Variants in INPP5A observed in about 807,000 individuals in gnomAD.
INPP5A encodes 43 kDa inositol polyphosphate 5-phophatase.
INPP5A carries 14 observed loss-of-function variants against 65.2 expected under a neutral mutation model. That is an observed-to-expected ratio of 0.21 (90% CI 0.14 to 0.34). INPP5A has a LOEUF of 0.34. Among genes scored for constraint, INPP5A ranks in the 10% least tolerant of loss-of-function variants. INPP5A has a pLI of 1.00. For missense variants in INPP5A, 431 were observed against 545.6 expected, an observed-to-expected ratio of 0.79 and a Z score of 2.09; for synonymous variants, 207 against 208.3, an observed-to-expected ratio of 0.99 and a Z score of 0.05.
chr10:132,681,141 C>A (rs1456732371), intron 4 of INPP5A, among the ~76,000 whole-genome samples: 1 of 152,204 alleles, frequency 6.6e-6, no homozygotes, highest in Non-Finnish European at 1.5e-5. Context: ...ACGTGCAGAA[C>A]CTTTGTATCT....
At chr10:132,645,341 G>A (rs532127113) in intron 2 of INPP5A, among the ~76,000 whole-genome samples, 34 of 152,240 alleles carry the variant, frequency 2.2e-4, no homozygotes, top group Admixed American at 9.1e-4. Flanking sequence ...GTGAGCAGGC[G>A]GCGGAGTGCC....
intron 8 of INPP5A, among the ~76,000 whole-genome samples, chr10:132,725,466 A>G (rs7085447): frequency 0.095 from 14,425 of 152,264 alleles, 1,432 homozygotes; most frequent in African/African-American, 0.26. Context: ...ACAAGACCAC[A>G]TAAGAACTGG....
intron 3 of INPP5A, among the ~76,000 whole-genome samples, chr10:132,646,474 C>T (rs913224527): frequency 2.6e-5 from 4 of 152,100 alleles, no homozygotes; most frequent in South Asian, 2.1e-4. Flanking sequence ...GAAGAGGGGG[C>T]GCCCGGACCT....
rs533289953 is a variant in INPP5A at position 132,685,790 on chromosome 10, G to A, written c.307-4602G>A. 2.0e-5 allele frequency among the ~76,000 whole-genome samples: 3 copies of A among 152,340 alleles called. No individual in the cohort carries two copies. In the East Asian group the frequency reaches 5.8e-4, roughly 29 times the overall value. On this transcript the variant is annotated intron_variant, in intron 4 of 15. Transcript: ENST00000368594. ...GACGCGTTGTTCTTTCCAAATGTGTGAGAAGTGGTCTGCTCCCGCCCTGAG... is the reference window on the plus strand; with the variant it reads ...GACGCGTTGTTCTTTCCAAATGTGTAAGAAGTGGTCTGCTCCCGCCCTGAG...
In INPP5A at chr10:132,607,894, CT is replaced by C. The variant is rs1564932642; in HGVS notation, c.76-16del. 2 of 1,605,192 alleles carry C rather than the reference CT, an allele frequency of 1.2e-6. No individual in the cohort carries two copies. The stretch of plus-strand genomic sequence containing the variant: ...TGTGCCATTGGTCTGACTGGCTTTT[CT>C]TTTTCTTCTTAATTTACAGCCAGAA... On this transcript the variant is annotated intron_variant, in intron 1 of 15. Coordinates refer to ENST00000368594, the MANE Select transcript of INPP5A (RefSeq NM_005539.5).
At chr10:132,702,698 G>A (rs373241415) in intron 6 of INPP5A, among the ~76,000 whole-genome samples, 94 of 152,350 alleles carry the variant, frequency 6.2e-4, no homozygotes, top group African/African-American at 2.2e-3. Context: ...CCCGGGCACA[G>A]CTCTGACGCA....
At chr10:132,558,133 G>A (rs918108648) in intron 1 of INPP5A, among the ~76,000 whole-genome samples, 2 of 152,220 alleles carry the variant, frequency 1.3e-5, no homozygotes, top group African/African-American at 4.8e-5. Context: ...AGGCTCCGCA[G>A]GGCAGGTCAG....
intron 12 of INPP5A, among the ~76,000 whole-genome samples, chr10:132,768,291 A>T (rs1424089452): frequency 2.0e-5 from 3 of 146,960 alleles, no homozygotes; most frequent in African/African-American, 7.7e-5. Context: ...GTGGACCCCG[A>T]CCCTCAGCGT....
intron 2 of INPP5A, among the ~76,000 whole-genome samples, chr10:132,628,467 G>T (rs1192896498): frequency 1.4e-5 from 2 of 143,470 alleles, no homozygotes; most frequent in Non-Finnish European, 3.1e-5. Flanking sequence ...TGGTGGCGGG[G>T]GGGGGGGGGG....
intron 4 of INPP5A, among the ~76,000 whole-genome samples, chr10:132,686,953 C>G (rs1437803710): frequency 1.3e-5 from 2 of 152,176 alleles, no homozygotes; most frequent in African/African-American, 4.8e-5. Flanking sequence ...TTTTAATTTT[C>G]TATTTTTTTG....
chr10:132,649,053 C>T (rs1305649543), intron 3 of INPP5A, among the ~76,000 whole-genome samples: 1 of 152,278 alleles, frequency 6.6e-6, no homozygotes, highest in East Asian at 1.9e-4. Flanking sequence ...CCCTAAAGCT[C>T]TTCTGATTGT....
At chr10:132,757,791 C>A (rs1241933420) in intron 11 of INPP5A, among the ~76,000 whole-genome samples, 1 of 132,360 alleles carries the variant, frequency 7.6e-6, no homozygotes, top group African/African-American at 2.7e-5. Context: ...CCCCACAGCC[C>A]AGCACCATGG....
intron 9 of INPP5A, among the ~76,000 whole-genome samples, chr10:132,734,213 C>G (rs987867517): frequency 6.6e-6 from 1 of 152,212 alleles, no homozygotes; most frequent in Non-Finnish European, 1.5e-5. Flanking sequence ...AGCATCACCT[C>G]TGGGCTGGAC....
At position 132,616,038 on chromosome 10, in the gene INPP5A, C is replaced by T. The variant is rs575771035; in HGVS notation, c.117+8082C>T. ...CTTCACCCTCTGTAGCTGCCGGTTC[C>T]GGGTCCTGTGGGGAGCGGTGAGGGA... On this transcript the variant is annotated intron_variant, in intron 2 of 15. Transcript: ENST00000368594. This position sits in a 1 kb window ranked among gnomAD's most constrained non-coding sequence, Gnocchi z 4.9. Among the ~76,000 whole-genome samples the T allele has an allele frequency of 8.5e-5, 13 of 152,168 alleles. No individual in the cohort carries two copies. Among genetic ancestry groups the T allele is most frequent in the East Asian group, 1.9e-4 (1 of 5,184 alleles).
At chr10:132,763,656 CAT>C (rs10534980) in intron 11 of INPP5A, among the ~76,000 whole-genome samples, 39,796 of 151,230 alleles carry the variant, frequency 0.26, 6,592 homozygotes, top group East Asian at 0.46. Flanking sequence ...TGCACACACA[CAT>C]GCCTGTGCAC....
intron 4 of INPP5A, among the ~76,000 whole-genome samples, chr10:132,686,975 C>T (rs1009906548): frequency 6.6e-6 from 1 of 152,186 alleles, no homozygotes; most frequent in East Asian, 1.9e-4. Context: ...GACGGAGTCT[C>T]GCCCTGTCAC....
intron 9 of INPP5A, among the ~76,000 whole-genome samples, chr10:132,739,263 G>A (rs973173894): frequency 1.4e-5 from 2 of 145,938 alleles, no homozygotes; most frequent in East Asian, 2.0e-4. Flanking sequence ...GCATGGGCAC[G>A]TGCCCCCGAG....
In INPP5A at chr10:132,678,685, C is replaced by T. The variant is rs2073003513; in HGVS notation, c.307-11707C>T. On this transcript the variant is annotated intron_variant, in intron 4 of 15. Coordinates refer to ENST00000368594, the MANE Select transcript of INPP5A (RefSeq NM_005539.5). The surrounding 1 kb of genome is among the most constrained non-coding windows in gnomAD (Gnocchi z 4.1). The stretch of plus-strand genomic sequence containing the variant: ...GGAGGACTCAGAGGCGCCCAGGCCA[C>T]ATGCCTGCCCTCAGGGGGCTTCCCT... Among the ~76,000 whole-genome samples, 1 of 152,218 alleles carries T rather than the reference C, an allele frequency of 6.6e-6. No individual in the cohort carries two copies. Among genetic ancestry groups the T allele is most frequent in the South Asian group, 2.1e-4 (1 of 4,826 alleles).
intron 4 of INPP5A, among the ~76,000 whole-genome samples, chr10:132,679,216 C>A (rs182003476): frequency 2.0e-5 from 3 of 152,138 alleles, no homozygotes; most frequent in African/African-American, 7.2e-5. Context: ...TTCTGTAATC[C>A]GTAGAACCTG....
Sources: gnomAD v4.1 joint callset for allele counts (sites outside exome capture counted in the v4.1 genomes callset) on GRCh38, gnomAD v4.1.1 for gene constraint, Gnocchi (gnomAD v3.1) non-coding constraint, MANE v1.5 for transcripts, NCBI Gene and HGNC (gene_info 2026-07-23, HGNC 2026-07-21) for gene names.